Variants in HMGB1 observed in about 807,000 individuals in gnomAD.
HMGB1 encodes the protein high mobility group box 1.
For missense variants in HMGB1, 79 were observed against 253.5 expected, an observed-to-expected ratio of 0.31 and a Z score of 4.67; for synonymous variants, 81 against 84.0, an observed-to-expected ratio of 0.96 and a Z score of 0.19.
chr13:30,509,535 G>A (rs568360625), intron 1 of HMGB1, among the ~76,000 whole-genome samples: 1 of 152,192 alleles, frequency 6.6e-6, no homozygotes, highest in East Asian at 1.9e-4. Flanking sequence ...ACCACGCCTG[G>A]CCGTGCCCCA....
At chr13:30,475,057 T>C (rs1887051719) in intron 1 of HMGB1, among the ~76,000 whole-genome samples, 1 of 136,222 alleles carries the variant, frequency 7.3e-6, no homozygotes, top group Non-Finnish European at 1.6e-5. Flanking sequence ...TTTTTTTTTT[T>C]TTTGAGACAG....
chr13:30,518,962 G>A (rs1888163383), intron 1 of HMGB1, among the ~76,000 whole-genome samples: 1 of 151,456 alleles, frequency 6.6e-6, no homozygotes, highest in East Asian at 1.9e-4. Flanking sequence ...GGGCTCAAAT[G>A]ATCCTCCTGC....
At chr13:30,479,693 A>C (rs907408530) in intron 1 of HMGB1, among the ~76,000 whole-genome samples, 1 of 152,152 alleles carries the variant, frequency 6.6e-6, no homozygotes. Flanking sequence ...AACCTCTCTG[A>C]GCCTCAGCTG....
chr13:30,580,550 ATG>A (rs1199618957), intron 1 of HMGB1, among the ~76,000 whole-genome samples: 2 of 152,232 alleles, frequency 1.3e-5, no homozygotes, highest in African/African-American at 4.8e-5. Context: ...TTGATTTATA[ATG>A]TGAGATATTA....
At chr13:30,463,740 A>AT (rs1197833500) in intron 1 of HMGB1, 46 bp from the exon 2 acceptor site, 1 of 1,266,024 alleles carries the variant, frequency 7.9e-7, no homozygotes, top group East Asian at 2.4e-5. Context: ...AAATTATGAC[A>AT]TATAAGACCT....
chr13:30,468,579 C>G (rs1344689102), upstream of HMGB1, among the ~76,000 whole-genome samples: 1 of 151,978 alleles, frequency 6.6e-6, no homozygotes, highest in Non-Finnish European at 1.5e-5. Context: ...TAAATCCTAA[C>G]CTCAAACAAT....
At chr13:30,509,022 C>T (rs1159422450) in intron 1 of HMGB1, among the ~76,000 whole-genome samples, 1 of 152,096 alleles carries the variant, frequency 6.6e-6, no homozygotes, top group Non-Finnish European at 1.5e-5. Flanking sequence ...GTAGCCTCGA[C>T]TTCCTGGGTT....
At chr13:30,505,453 C>G (rs529339475) in intron 1 of HMGB1, among the ~76,000 whole-genome samples, 1 of 152,216 alleles carries the variant, frequency 6.6e-6, no homozygotes, top group South Asian at 2.1e-4. Flanking sequence ...GCTGGGATTA[C>G]AGGTGTAAGC....
At chr13:30,502,473 A>G (rs974240238) in intron 1 of HMGB1, among the ~76,000 whole-genome samples, 3 of 152,188 alleles carry the variant, frequency 2.0e-5, no homozygotes, top group East Asian at 3.8e-4. Flanking sequence ...TTATTTACAT[A>G]GAAAACCTTA....
chr13:30,527,250 T>C (rs1424200631), intron 1 of HMGB1, among the ~76,000 whole-genome samples: 5 of 152,222 alleles, frequency 3.3e-5, no homozygotes, highest in Admixed American at 3.3e-4. Flanking sequence ...CTTAGGTCCG[T>C]AGTCTGTTTG....
At chr13:30,476,114 T>C (rs1036365851) in intron 1 of HMGB1, among the ~76,000 whole-genome samples, 2 of 146,086 alleles carry the variant, frequency 1.4e-5, no homozygotes, top group African/African-American at 5.1e-5. Flanking sequence ...GCAGGTGGCA[T>C]GTACTTTTTT....
intron 1 of HMGB1, among the ~76,000 whole-genome samples, chr13:30,519,657 A>G (rs1047942279): frequency 2.0e-5 from 3 of 151,878 alleles, no homozygotes; most frequent in African/African-American, 7.2e-5. Flanking sequence ...CTGAGATCGC[A>G]CCACTGCACT....
upstream of HMGB1, among the ~76,000 whole-genome samples, chr13:30,469,887 C>A (rs960992621): frequency 6.6e-6 from 1 of 152,234 alleles, no homozygotes; most frequent in African/African-American, 2.4e-5. Flanking sequence ...CCTTGGCCTC[C>A]CAAAGTGCTG....
At chr13:30,465,454 ACGCCCGGC>A (rs1331953109) in intron 1 of HMGB1, among the ~76,000 whole-genome samples, 1 of 144,474 alleles carries the variant, frequency 6.9e-6, no homozygotes, top group East Asian at 2.1e-4. Flanking sequence ...GCCCGCCCGA[ACGCCCGGC>A]CCGAGGGCCC....
chr13:30,559,786 G>A lies in HMGB1; in HGVS notation c.-15+56885C>T, dbSNP rs1040073738. Among the ~76,000 whole-genome samples, 1 of 152,114 alleles carries A rather than the reference G, an allele frequency of 6.6e-6. No homozygotes were observed. The highest frequency in any genetic ancestry group is 1.5e-5 in the Non-Finnish European group (1 of 68,020). The stretch of plus-strand genomic sequence containing the variant: ...CTGAGGAGAAGAATTTATATTAAAA[G>A]GATAAAAATATCTACACTTGGAAAC... On this transcript the variant is annotated intron_variant, in intron 1 of 4. Coordinates refer to the HMGB1 transcript ENST00000405805. The surrounding 1 kb of genome is among the most constrained non-coding windows in gnomAD (Gnocchi z 6.6).
chr13:30,590,291 T>C (rs1871314201), intron 1 of HMGB1, among the ~76,000 whole-genome samples: 1 of 152,220 alleles, frequency 6.6e-6, no homozygotes, highest in Admixed American at 6.5e-5. Flanking sequence ...AATTTATTTT[T>C]AATACAGCAC....
Position 30,462,779 on chromosome 13 carries a change from C to CA in HMGB1, c.297-68dup, listed in dbSNP as rs1358775103. The CA allele has an allele frequency of 3.1e-6, 4 of 1,276,212 alleles. No homozygotes were observed. In the African/African-American group the frequency reaches 6.1e-5, roughly 19 times the overall value. The allele number at this position is 1,276,212 out of a possible 1,614,324, so 79.1% of individuals were successfully genotyped here. ...ACAAAAACAAATACTATCAAGTGTA[C>CA]ACTGCATTGCTATTTAAAGCTGCCT... On this transcript the variant is annotated intron_variant, in intron 3 of 4. Transcript: ENST00000341423.
intron 1 of HMGB1, among the ~76,000 whole-genome samples, chr13:30,611,869 AT>A (rs1450170621): frequency 6.6e-6 from 1 of 151,534 alleles, no homozygotes; most frequent in Non-Finnish European, 1.5e-5. Context: ...AAAAAAAGCC[AT>A]TGATGAAAAA....
Position 30,559,826 on chromosome 13 carries a change from G to A in HMGB1, c.-15+56845C>T, listed in dbSNP as rs1472390715. On this transcript the variant is annotated intron_variant, in intron 1 of 4. Coordinates refer to the HMGB1 transcript ENST00000405805. The surrounding 1 kb of genome is among the most constrained non-coding windows in gnomAD (Gnocchi z 6.6). ...CACTTGGAAACAGCAGATTGTGAAA[G>A]GGTATGTGACTGACAATTATTAAAC... Among the ~76,000 whole-genome samples the A allele has an allele frequency of 6.6e-6, 1 of 152,160 alleles. No homozygotes were observed. The highest frequency in any genetic ancestry group is 6.5e-5 in the Admixed American group (1 of 15,272).
Sources: allele counts gnomAD v4.1 joint callset (sites outside exome capture counted in the v4.1 genomes callset), GRCh38; gene constraint gnomAD v4.1.1; non-coding constraint Gnocchi (gnomAD v3.1); transcripts MANE v1.5; gene names NCBI Gene and HGNC (gene_info 2026-07-23, HGNC 2026-07-21).